The following LSAMP variants were observed in gnomAD, a reference collection of about 807,000 sequenced individuals.
LSAMP encodes the protein limbic system associated membrane protein, also known as limbic system-associated membrane protein.
In LSAMP, 7 loss-of-function variants were observed where a neutral mutation model predicts 38.6. The ratio of observed to expected loss-of-function variants is 0.18; its 90% CI spans 0.10 to 0.34. The LOEUF is 0.34. LSAMP is among the 10% of genes least tolerant of loss of function. The pLI is 1.00. For missense variants in LSAMP, 313 were observed against 420.0 expected (o/e 0.75, Z 2.23); for synonymous variants, 154 against 166.8 (o/e 0.92, Z 0.59).
At position 116,075,545 on chromosome 3, in the gene LSAMP, GT is replaced by G. The variant is rs35574635; in HGVS notation, c.388+10778del. Reference sequence around the variant, plus strand: ...TATTTTGTTTTTAAATCACTTTATCGTTTTTTTTTTTTTTTAGATGGAGTCT... The same window carrying G: ...TATTTTGTTTTTAAATCACTTTATCGTTTTTTTTTTTTTTAGATGGAGTCT... On this transcript the variant is annotated intron_variant, in intron 2 of 6. Coordinates refer to ENST00000490035, the MANE Select transcript of LSAMP (RefSeq NM_002338.5). Among the ~76,000 whole-genome samples, 665 of 131,134 alleles carry G rather than the reference GT, an allele frequency of 5.1e-3. 1 individual carries two copies. The highest frequency in any genetic ancestry group is 6.7e-3 in the Non-Finnish European group (409 of 60,736). 86.0% of individuals were successfully genotyped at this position (131,134 alleles called of 152,430 possible).
intron 1 of LSAMP, among the ~76,000 whole-genome samples, chr3:116,435,908 G>A (rs1376965087): frequency 6.6e-6 from 1 of 152,078 alleles, no homozygotes; most frequent in African/African-American, 2.4e-5. Flanking sequence ...TTAGAAACTC[G>A]GCTGTAGTAA....
intron 1 of LSAMP, among the ~76,000 whole-genome samples, chr3:116,316,115 T>C (rs577547632): frequency 6.6e-6 from 1 of 152,294 alleles, no homozygotes; most frequent in Non-Finnish European, 1.5e-5. Flanking sequence ...TAGTGGGACC[T>C]AGAGAGAAAC....
chr3:116,127,257 G>C (rs1352341230), intron 1 of LSAMP, among the ~76,000 whole-genome samples: 1 of 152,110 alleles, frequency 6.6e-6, no homozygotes, highest in Non-Finnish European at 1.5e-5. Flanking sequence ...CCGTTATGTA[G>C]TGACTGATCT....
At chr3:116,268,490 C>T (rs1428379736) in intron 1 of LSAMP, among the ~76,000 whole-genome samples, 1 of 152,042 alleles carries the variant, frequency 6.6e-6, no homozygotes, top group Non-Finnish European at 1.5e-5. Context: ...TCTTTATATG[C>T]TGCTGTTTCC....
chr3:116,444,810 AAACACACAC>A (rs1559870738), intron 1 of LSAMP, 58 bp downstream of exon 1: 228 of 986,916 alleles, frequency 2.3e-4, no homozygotes, highest in African/African-American at 1.3e-3. Context: ...ACACACACAC[AAACACACAC>A]ACACACACAC....
intron 2 of LSAMP, among the ~76,000 whole-genome samples, chr3:116,040,971 T>G (rs1323289115): frequency 6.6e-6 from 1 of 152,226 alleles, no homozygotes; most frequent in Non-Finnish European, 1.5e-5. Context: ...TCACCTAGGC[T>G]AGAGTGCTGT....
At chr3:116,119,957 C>T (rs1027830115) in intron 1 of LSAMP, among the ~76,000 whole-genome samples, 2 of 151,974 alleles carry the variant, frequency 1.3e-5, no homozygotes, top group African/African-American at 4.8e-5. Flanking sequence ...CCGTGCCTGG[C>T]CAAGAAAATT....
chr3:116,146,417 A>G (rs955366711), intron 1 of LSAMP, among the ~76,000 whole-genome samples: 4 of 151,956 alleles, frequency 2.6e-5, no homozygotes, highest in Non-Finnish European at 5.9e-5. Context: ...AGTAGGTGAG[A>G]CATGGCTTAG....
intron 3 of LSAMP, among the ~76,000 whole-genome samples, chr3:115,931,826 G>A (rs1937585271): frequency 6.6e-6 from 1 of 152,176 alleles, no homozygotes; most frequent in Non-Finnish European, 1.5e-5. Context: ...ACTCAGAAAT[G>A]TTGAGTAACT....
At chr3:116,043,741 G>A (rs955430980) in intron 2 of LSAMP, among the ~76,000 whole-genome samples, 6 of 152,108 alleles carry the variant, frequency 3.9e-5, no homozygotes. Context: ...GTCAGGAGAT[G>A]GAGACCATCC....
At chr3:115,993,207 A>C (rs1029847119) in intron 3 of LSAMP, among the ~76,000 whole-genome samples, 2 of 152,112 alleles carry the variant, frequency 1.3e-5, no homozygotes, top group African/African-American at 4.8e-5. Flanking sequence ...GCAAACAAGA[A>C]GCCCCCTAAG....
At chr3:115,881,151 C>CG (rs1332013610) in intron 3 of LSAMP, among the ~76,000 whole-genome samples, 1 of 152,146 alleles carries the variant, frequency 6.6e-6, no homozygotes, top group Non-Finnish European at 1.5e-5. Flanking sequence ...TATCATACTT[C>CG]AACAAGTAGT....
At chr3:115,821,552 CATT>C (rs1374072829) in intron 6 of LSAMP, among the ~76,000 whole-genome samples, 3 of 144,728 alleles carry the variant, frequency 2.1e-5, no homozygotes, top group Non-Finnish European at 4.8e-5. Context: ...AAAAAGAAAA[CATT>C]ATCTCTATGT....
chr3:115,897,625 C>G (rs567415721), intron 3 of LSAMP, among the ~76,000 whole-genome samples: 1 of 152,252 alleles, frequency 6.6e-6, no homozygotes, highest in East Asian at 1.9e-4. Context: ...ATAAAGAAGA[C>G]AGCTTTTATT....
chr3:115,977,038 T>C (rs1458712693), intron 3 of LSAMP, among the ~76,000 whole-genome samples: 2 of 152,106 alleles, frequency 1.3e-5, no homozygotes, highest in Admixed American at 6.5e-5. Context: ...AGAGGGAGCA[T>C]AACATTGAGC....
chr3:116,319,804 GT>G (rs1200435851), intron 1 of LSAMP, among the ~76,000 whole-genome samples: 33 of 128,300 alleles, frequency 2.6e-4, no homozygotes, highest in East Asian at 1.9e-3. Flanking sequence ...TTTTTTTTTT[GT>G]TTTTTTTTTT....
intron 1 of LSAMP, among the ~76,000 whole-genome samples, chr3:116,393,376 C>G (rs1377683786): frequency 6.6e-6 from 1 of 152,216 alleles, no homozygotes; most frequent in Non-Finnish European, 1.5e-5. Flanking sequence ...TAGCTGCAGC[C>G]TCACAGAGAA....
At chr3:115,996,449 C>T in intron 3 of LSAMP, among the ~76,000 whole-genome samples, 1 of 152,012 alleles carries the variant, frequency 6.6e-6, no homozygotes, top group East Asian at 1.9e-4. Flanking sequence ...AAAATCATTG[C>T]TTTACAGTAT....
chr3:116,203,325 T>C (rs867451889), intron 1 of LSAMP, among the ~76,000 whole-genome samples: 8 of 152,188 alleles, frequency 5.3e-5, no homozygotes, highest in Non-Finnish European at 1.2e-4. Flanking sequence ...CATGAATATA[T>C]ATAGAATTTG....
Sources: gnomAD v4.1 joint callset for allele counts (sites outside exome capture counted in the v4.1 genomes callset) on GRCh38, gnomAD v4.1.1 for gene constraint, MANE v1.5 for transcripts, NCBI Gene and HGNC (gene_info 2026-07-23, HGNC 2026-07-21) for gene names.